Variants in CGREF1 observed in about 807,000 individuals in gnomAD.
CGREF1 encodes cell growth regulator with EF-hand domain 1.
A neutral mutation model predicts 17.4 loss-of-function variants in CGREF1; 16 were observed. That is an observed-to-expected ratio of 0.92 (90% CI 0.62 to 1.40). CGREF1 has a LOEUF of 1.40. Among genes scored for constraint, CGREF1 ranks in the 40% most tolerant of loss-of-function variants. The pLI is 0.00. For synonymous variants in CGREF1, 142 were observed against 154.6 expected (o/e 0.92, Z 0.61); for missense variants, 296 against 376.4 (o/e 0.79, Z 1.77).
Position 27,102,097 on chromosome 2 carries a change from C to G in CGREF1, c.342G>C (p.Pro114=), listed in dbSNP as rs202193679. The G allele has an allele frequency of 2.1e-5, 34 of 1,602,398 alleles. No homozygotes were observed. Among genetic ancestry groups the G allele is most frequent in the Non-Finnish European group, 2.9e-5 (34 of 1,171,524 alleles). The change falls in exon 5 of 6, where the codon CCG becomes CCC. Residue 114 remains proline (P), a splice_region_variant and synonymous_variant. Coordinates refer to ENST00000402394, the MANE Select transcript of CGREF1 (RefSeq NM_006569.6). ...PGAANSPTTN[P]VILIVDKVLE... ...GGGATCTCCATCCAGCAGAGCTTAC[C>G]GGGTTGGTGGTAGGAGAGTTGGCAG...
chr2:27,105,707 T>C (rs1417822519), intron 1 of CGREF1, among the ~76,000 whole-genome samples: 1 of 152,124 alleles, frequency 6.6e-6, no homozygotes, highest in Non-Finnish European at 1.5e-5. Context: ...CCGCCACACC[T>C]GGCTAATTTT....
At chr2:27,113,361 G>C (rs1246336966) in intron 1 of CGREF1, among the ~76,000 whole-genome samples, 1 of 152,158 alleles carries the variant, frequency 6.6e-6, no homozygotes. Flanking sequence ...GGGAAGGCAA[G>C]TTAGATATAA....
chr2:27,099,613 C>T, downstream of CGREF1: 1 of 1,614,098 alleles, frequency 6.2e-7, no homozygotes, highest in Non-Finnish European at 8.5e-7. Flanking sequence ...AGGACTGGGA[C>T]CTGTCCCTGC....
At position 27,101,280 on chromosome 2, in the gene CGREF1, C is replaced by T. The variant is rs1670816309; in HGVS notation, c.951G>A (p.Glu317=). 6 of 1,553,394 alleles carry T rather than the reference C, an allele frequency of 3.9e-6. No homozygotes were observed. The highest frequency in any genetic ancestry group is 3.5e-4 in the Middle Eastern group (2 of 5,752). ...EVHIVQVEND[E]I ...GTACCTGTATCTTCAAGATCTAGAT[C>T]TCATCATTCTCCACTTGAACAATGT... Residue 317 remains glutamate (E), a synonymous_variant, in exon 6 of 6, where the codon GAG becomes GAA. Transcript: ENST00000402394.
chr2:27,109,385 AAG>A (rs397765484), intron 1 of CGREF1, among the ~76,000 whole-genome samples: 25 of 151,372 alleles, frequency 1.7e-4, no homozygotes, highest in Admixed American at 1.3e-3. Context: ...AAAAAAAAAA[AAG>A]GGTTTGAAAT....
chr2:27,114,681 C>T (rs1332203523), intron 1 of CGREF1, among the ~76,000 whole-genome samples: 2 of 152,160 alleles, frequency 1.3e-5, no homozygotes, highest in African/African-American at 4.8e-5. Flanking sequence ...CCCGAAACCA[C>T]CCTACGGAAG....
chr2:27,105,815 G>A lies in CGREF1; in HGVS notation c.-11-1438C>T, dbSNP rs570576404. Among the ~76,000 whole-genome samples the A allele has an allele frequency of 1.4e-4, 22 of 152,362 alleles. No homozygotes were observed. The South Asian group carries it at 4.6e-3, about 32-fold the overall frequency. ...GCCCGCCTGGGCCTCCCAAAGTGCT[G>A]GGATTACAGGCGTGAGGCACTGCAC... On this transcript the variant is annotated intron_variant, in intron 1 of 5. Coordinates refer to ENST00000402394, the MANE Select transcript of CGREF1 (RefSeq NM_006569.6).
rs193028604 is a variant in CGREF1, at chr2:27,114,666, G to T, written c.-12+4180C>A. 6.6e-4 allele frequency among the ~76,000 whole-genome samples: 101 copies of T among 152,234 alleles called. 1 individual carries two copies. The highest frequency in any genetic ancestry group is 4.4e-5 in the Non-Finnish European group (3 of 68,032). ...CTTGAGCCACCATGGAAGGAGCCTG[G>T]TCTCCCCGAAACCACCCTACGGAAG... On this transcript the variant is annotated intron_variant, in intron 1 of 5. Coordinates refer to ENST00000402394, the MANE Select transcript of CGREF1 (RefSeq NM_006569.6).
intron 1 of CGREF1, among the ~76,000 whole-genome samples, chr2:27,117,883 A>AT (rs974613251): frequency 2.8e-4 from 43 of 151,570 alleles, no homozygotes; most frequent in East Asian, 1.7e-3. Flanking sequence ...GCCTGGCTAA[A>AT]TTTTTTTTGT....
At chr2:27,116,904 TCTCTCTCTCTCTCTCTCTC>T (rs1558466910) in intron 1 of CGREF1, among the ~76,000 whole-genome samples, 93 of 130,562 alleles carry the variant, frequency 7.1e-4, no homozygotes, top group African/African-American at 9.1e-4. Flanking sequence ...TCTCTCTCTC[TCTCTCTCTCTCTCTCTCTC>T]TTTTTTTGAG....
At chr2:27,116,154 G>C (rs576090949) in intron 1 of CGREF1, among the ~76,000 whole-genome samples, 260 of 151,694 alleles carry the variant, frequency 1.7e-3, no homozygotes, top group Non-Finnish European at 3.0e-3. Flanking sequence ...CTTCAGCCCA[G>C]GAGTTGAAGG....
At chr2:27,115,513 T>C (rs1201851934) in intron 1 of CGREF1, among the ~76,000 whole-genome samples, 1 of 152,208 alleles carries the variant, frequency 6.6e-6, no homozygotes, top group Non-Finnish European at 1.5e-5. Flanking sequence ...ATTAAATGAA[T>C]AATGAATTAC....
At chr2:27,117,337 C>T (rs529645902) in intron 1 of CGREF1, among the ~76,000 whole-genome samples, 9 of 152,310 alleles carry the variant, frequency 5.9e-5, no homozygotes, top group Admixed American at 5.9e-4. Context: ...GACACTTAGA[C>T]ATTTCTAAAC....
downstream of CGREF1, chr2:27,099,974 C>T: frequency 1.1e-6 from 1 of 951,854 alleles, no homozygotes; most frequent in Non-Finnish European, 1.6e-6. Flanking sequence ...GAGCCAGCTT[C>T]TCCTCTCAAT....
Position 27,104,372 on chromosome 2 carries a change from C to T in CGREF1, c.-6G>A. On this transcript the variant is annotated 5_prime_UTR_variant, in exon 2 of 6. Transcript: ENST00000402394. ...GTCATCGTCAAAGGTAACATCCTTCCTGGAACTGGAACAAGGAAGAGAATC... is the reference window on the plus strand; with the variant it reads ...GTCATCGTCAAAGGTAACATCCTTCTTGGAACTGGAACAAGGAAGAGAATC... 9.3e-6 allele frequency: 15 copies of T among 1,613,512 alleles called. No homozygotes were observed. The highest frequency in any genetic ancestry group is 1.2e-5 in the Non-Finnish European group (14 of 1,179,726).
In CGREF1 at chr2:27,100,860, GA is replaced by G; in HGVS notation, c.*413del. 9.1e-7 allele frequency: 1 copy of G among 1,093,162 alleles called. No homozygotes were observed. The allele number at this position is 1,093,162 out of a possible 1,614,324, so 67.7% of individuals were successfully genotyped here. A position where few individuals can be genotyped will look rare whatever the true frequency, so the allele number is the denominator to read the frequency against. ...AGCATGGGGTGTCTGAACACCAGGTGAGGGGGAACCGGTGAGGGTTTGGGGC... is the reference window on the plus strand; with the variant it reads ...AGCATGGGGTGTCTGAACACCAGGTGGGGGGAACCGGTGAGGGTTTGGGGC... On this transcript the variant is annotated 3_prime_UTR_variant, in exon 6 of 6. Coordinates refer to ENST00000402394, the MANE Select transcript of CGREF1 (RefSeq NM_006569.6).
intron 1 of CGREF1, among the ~76,000 whole-genome samples, chr2:27,111,373 C>G (rs886386829): frequency 1.3e-5 from 2 of 152,238 alleles, no homozygotes; most frequent in Non-Finnish European, 2.9e-5. Context: ...AGAGTGCCAA[C>G]TGGCGTATTT....
downstream of CGREF1, chr2:27,099,851 G>A (rs899362185): frequency 6.4e-7 from 1 of 1,553,994 alleles, no homozygotes; most frequent in Non-Finnish European, 8.7e-7. Context: ...CTGTTCAGGG[G>A]ACAGATGCAA....
chr2:27,109,287 G>A (rs1252249830), intron 1 of CGREF1, among the ~76,000 whole-genome samples: 5 of 151,166 alleles, frequency 3.3e-5, no homozygotes, highest in Admixed American at 6.6e-5. Context: ...TGGTAGGATC[G>A]CTTGAGCCCA....
Sources: gnomAD v4.1 joint callset for allele counts (sites outside exome capture counted in the v4.1 genomes callset) on GRCh38, gnomAD v4.1.1 for gene constraint, MANE v1.5 for transcripts, NCBI Gene and HGNC (gene_info 2026-07-23, HGNC 2026-07-21) for gene names.